The following FBN3 variants were observed in gnomAD, a reference collection of about 807,000 sequenced individuals.
The protein encoded by FBN3 is fibrillin-3.
Under a neutral mutation model 330.1 loss-of-function variants are expected in FBN3, and 234 were observed. That is an observed-to-expected ratio of 0.71 (90% CI 0.64 to 0.79). FBN3 has a LOEUF of 0.79. Ranked by LOEUF, FBN3 falls within the 30% of genes least tolerant of loss-of-function variation. FBN3 has a pLI of 0.00. For synonymous variants in FBN3, 1,458 were observed against 1,517.3 expected (o/e 0.96, Z 0.91); for missense variants, 3,606 against 3,886.9 (o/e 0.93, Z 1.92).
At chr19:8,075,227 C>T (rs112479210) in intron 60 of FBN3, 37 bp from the exon 61 acceptor site, 65,923 of 1,575,572 alleles carry the variant, frequency 0.042, 1,652 homozygotes, top group Middle Eastern at 0.083. Flanking sequence ...GTTTACCAGA[C>T]GGCTCTCAGG....
chr19:8,119,356 T>C (rs899067544), intron 25 of FBN3, among the ~76,000 whole-genome samples: 1 of 152,170 alleles, frequency 6.6e-6, no homozygotes, highest in Non-Finnish European at 1.5e-5. Flanking sequence ...CCGCCAGGAC[T>C]CAGGGCAGGG....
At chr19:8,135,939 C>T in intron 13 of FBN3, 22 bp downstream of exon 13, 7 of 385,866 alleles carry the variant, frequency 1.8e-5, no homozygotes, top group Non-Finnish European at 2.5e-5. Context: ...AGCCCCTGCC[C>T]ACCCGCCCAC....
chr19:8,094,269 C>G (rs1568384728), intron 47 of FBN3, among the ~76,000 whole-genome samples, 177 bp downstream of exon 47: 1 of 152,184 alleles, frequency 6.6e-6, no homozygotes, highest in African/African-American at 2.4e-5. Context: ...AGACAAAGTC[C>G]TGAGTGCAGA....
At chr19:8,124,673 G>C (rs1705952356) in intron 22 of FBN3, among the ~76,000 whole-genome samples, 1 of 152,198 alleles carries the variant, frequency 6.6e-6, no homozygotes, top group South Asian at 2.1e-4. Context: ...GAGTAGCTGG[G>C]ATTACAGACA....
intron 55 of FBN3, 66 bp downstream of exon 55, chr19:8,086,134 G>GGGGACAGGCAGTGGGA (rs1301117124): frequency 8.2e-7 from 1 of 1,212,676 alleles, no homozygotes; most frequent in African/African-American, 1.7e-5. Flanking sequence ...GGCAGTGGGG[G>GGGGACAGGCAGTGGGA]GGGACAGGCA....
At chr19:8,075,484 C>A in intron 59 of FBN3, 73 bp from the exon 60 acceptor site, 1 of 1,510,252 alleles carries the variant, frequency 6.6e-7, no homozygotes, top group Non-Finnish European at 9.0e-7. Context: ...AATGCCAGTC[C>A]CACCACTGTG....
At chr19:8,097,457 G>C in intron 41 of FBN3, 43 bp from the exon 42 acceptor site, 1 of 1,559,572 alleles carries the variant, frequency 6.4e-7, no homozygotes, top group African/African-American at 1.3e-5. Context: ...AGCCCCCTGG[G>C]ACTTCCAGCG....
intron 39 of FBN3, 54 bp downstream of exon 39, chr19:8,103,508 T>C (rs1179326931): frequency 8.8e-6 from 14 of 1,584,662 alleles, no homozygotes; most frequent in African/African-American, 1.3e-5. Flanking sequence ...GTTCCTCCCA[T>C]GCCCAGGTGC....
chr19:8,072,221 G>A, intron 62 of FBN3, 23 bp from the exon 63 acceptor site: 7 of 1,498,892 alleles, frequency 4.7e-6, no homozygotes, highest in Non-Finnish European at 6.2e-6. Context: ...GGGCAGGGTG[G>A]AGGGGTTTCA....
At chr19:8,110,055 C>T (rs995450859) in intron 34 of FBN3, among the ~76,000 whole-genome samples, 1 of 152,046 alleles carries the variant, frequency 6.6e-6, no homozygotes, top group Non-Finnish European at 1.5e-5. Context: ...ATTTTATTTC[C>T]GTAATTTATT....
chr19:8,133,952 T>C (rs59877592), intron 13 of FBN3, among the ~76,000 whole-genome samples: 77,275 of 149,758 alleles, frequency 0.52, 21,898 homozygotes, highest in African/African-American at 0.76. Context: ...TGTGGCTGGG[T>C]GCGGTGGTTC....
chr19:8,084,976 T>A (rs538565458), intron 56 of FBN3, among the ~76,000 whole-genome samples: 1 of 152,154 alleles, frequency 6.6e-6, no homozygotes, highest in South Asian at 2.1e-4. Flanking sequence ...AGCCTCAAAT[T>A]CCTGGGCTTA....
At chr19:8,103,709 A>G in intron 38 of FBN3, 22 bp from the exon 39 acceptor site, 3 of 1,609,852 alleles carry the variant, frequency 1.9e-6, no homozygotes, top group Non-Finnish European at 2.5e-6. Context: ...GAAGGGGTGG[A>G]GGGGAACAGT....
intron 8 of FBN3, among the ~76,000 whole-genome samples, 196 bp downstream of exon 8, chr19:8,141,521 G>T (rs1024244328): frequency 3.9e-5 from 6 of 152,126 alleles, no homozygotes; most frequent in Non-Finnish European, 8.8e-5. Context: ...CGTAGCTCCC[G>T]ACAGTGTTGG....
chr19:8,123,898 C>T lies in FBN3; in HGVS notation c.2842G>A (p.Gly948Arg). 1 of 1,613,964 alleles carries T rather than the reference C, an allele frequency of 6.2e-7. No homozygotes were observed. Among genetic ancestry groups the T allele is most frequent in the Non-Finnish European group, 8.5e-7 (1 of 1,180,026 alleles). The change falls in exon 23 of 64, where the codon GGA (glycine) becomes AGA (arginine). Residue 948 changes from glycine to arginine, a missense_variant. Coordinates refer to ENST00000600128, the MANE Select transcript of FBN3 (RefSeq NM_032447.5). The part of the protein sequence containing the change: ...VCCCSIGAVW[G>R]VECEACPDPE... ...TCCGGGCAGGCCTCGCACTCGACTC[C>T]CCACACGGCCCCGATGGAGCAGCAG...
intron 38 of FBN3, among the ~76,000 whole-genome samples, chr19:8,105,252 C>CT (rs1035480353): frequency 4.0e-5 from 6 of 149,836 alleles, no homozygotes; most frequent in East Asian, 3.9e-4. Flanking sequence ...TGTGCCCAGT[C>CT]TTTTTTTTCT....
intron 41 of FBN3, among the ~76,000 whole-genome samples, chr19:8,098,802 C>T (rs1427735106): frequency 6.6e-6 from 1 of 152,070 alleles, no homozygotes. Flanking sequence ...ATATAAGTGT[C>T]CATCCAAAGG....
At chr19:8,140,901 G>A (rs1398557980) in intron 8 of FBN3, among the ~76,000 whole-genome samples, 1 of 152,068 alleles carries the variant, frequency 6.6e-6, no homozygotes, top group African/African-American at 2.4e-5. Flanking sequence ...TAGAAAGTCT[G>A]GAGTTGGCCA....
chr19:8,135,598 G>A (rs2083260962), intron 13 of FBN3, among the ~76,000 whole-genome samples: 1 of 150,412 alleles, frequency 6.6e-6, no homozygotes, highest in African/African-American at 2.5e-5. Flanking sequence ...CGCTCTATCA[G>A]CCAGGCTGGA....
Sources: allele counts gnomAD v4.1 joint callset (sites outside exome capture counted in the v4.1 genomes callset), GRCh38; gene constraint gnomAD v4.1.1; transcripts MANE v1.5; gene names NCBI Gene and HGNC (gene_info 2026-07-23, HGNC 2026-07-21).